The following RBFOX1 variants were observed in gnomAD, a reference collection of about 807,000 sequenced individuals.
The protein encoded by RBFOX1 is RNA binding protein fox-1 homolog 1.
In RBFOX1, 8 loss-of-function variants were observed where a neutral mutation model predicts 57.7. The ratio of observed to expected loss-of-function variants is 0.14; its 90% CI spans 0.08 to 0.25. RBFOX1 has a LOEUF of 0.25. Among genes scored for constraint, RBFOX1 ranks in the 10% least tolerant of loss-of-function variants. The probability of loss-of-function intolerance (pLI) is 1.00; values close to 1 mark genes in which losing one functional copy is unlikely to be tolerated. For synonymous variants in RBFOX1, 326 were observed against 222.4 expected (o/e 1.47, Z -4.15); for missense variants, 611 against 548.5 (o/e 1.11, Z -1.14).
At chr16:5,628,637 C>A (rs1352380789) in intron 3 of RBFOX1, among the ~76,000 whole-genome samples, 1 of 152,170 alleles carries the variant, frequency 6.6e-6, no homozygotes, top group African/African-American at 2.4e-5. Context: ...CCCAAGAACC[C>A]ACAGCTGAGA....
intron 4 of RBFOX1, among the ~76,000 whole-genome samples, chr16:7,139,566 G>A (rs994388401): frequency 3.9e-5 from 6 of 152,242 alleles, no homozygotes; most frequent in African/African-American, 1.4e-4. Flanking sequence ...TGGATCAAGG[G>A]TAAGGGTAAC....
chr16:5,239,967 C>T (rs1305355606), exon 1 of RBFOX1: 29 of 1,525,414 alleles, frequency 1.9e-5, no homozygotes, highest in Non-Finnish European at 2.1e-5. Context: ...AGGAGGACGA[C>T]GTCCCTCCCG....
chr16:6,399,345 G>T (rs930788973), intron 2 of RBFOX1, among the ~76,000 whole-genome samples: 1 of 152,190 alleles, frequency 6.6e-6, no homozygotes, highest in Admixed American at 6.5e-5. Context: ...TCAGCTCCTT[G>T]TTACTTATGC....
At chr16:7,035,886 A>C (rs930506164) in intron 3 of RBFOX1, among the ~76,000 whole-genome samples, 1 of 148,842 alleles carries the variant, frequency 6.7e-6, no homozygotes, top group African/African-American at 2.6e-5. Context: ...GAACACAGAC[A>C]CACACACACA....
intron 1 of RBFOX1, among the ~76,000 whole-genome samples, chr16:5,355,114 A>C (rs1232237356): frequency 6.6e-6 from 1 of 152,144 alleles, no homozygotes; most frequent in Non-Finnish European, 1.5e-5. Flanking sequence ...ATTCAATACT[A>C]GGGTCGTCTT....
chr16:6,164,634 TTTTTG>T (rs1486919550), intron 1 of RBFOX1, among the ~76,000 whole-genome samples: 1 of 151,036 alleles, frequency 6.6e-6, no homozygotes, highest in African/African-American at 2.4e-5. Context: ...ACCTGGTAAA[TTTTTG>T]TTTTGTTTTG....
chr16:7,415,734 C>T (rs532286760), intron 4 of RBFOX1, among the ~76,000 whole-genome samples: 1 of 152,100 alleles, frequency 6.6e-6, no homozygotes, highest in Admixed American at 6.5e-5. Flanking sequence ...TCTTCTCTAC[C>T]CAGCAATGGT....
intron 4 of RBFOX1, among the ~76,000 whole-genome samples, chr16:7,235,670 C>G (rs184225111): frequency 6.6e-6 from 1 of 152,330 alleles, no homozygotes; most frequent in East Asian, 1.9e-4. Context: ...TCTGCCATGA[C>G]ATCAAGAATA....
chr16:5,896,278 C>G (rs947553924), intron 4 of RBFOX1, among the ~76,000 whole-genome samples: 3 of 152,064 alleles, frequency 2.0e-5, no homozygotes, highest in African/African-American at 7.2e-5. Flanking sequence ...AAAGTTGATC[C>G]TAATGTTGGA....
chr16:5,620,464 G>C (rs1461278275), intron 3 of RBFOX1, among the ~76,000 whole-genome samples: 1 of 152,156 alleles, frequency 6.6e-6, no homozygotes, highest in East Asian at 1.9e-4. Flanking sequence ...GCTTCAACCG[G>C]AGAAATGCAT....
rs147087216 is a variant in RBFOX1, at chr16:5,696,595, A to G, written c.318+97634A>G. On this transcript the variant is annotated intron_variant, in intron 3 of 19. Coordinates refer to the RBFOX1 transcript ENST00000641259. ...ATCTCCAGAATGCACTGAAGTCTTTACTATGCATAGTCCTTTGCACCTCTA... is the reference window on the plus strand; with the variant it reads ...ATCTCCAGAATGCACTGAAGTCTTTGCTATGCATAGTCCTTTGCACCTCTA... Among the ~76,000 whole-genome samples the G allele has an allele frequency of 2.6e-5, 4 of 152,352 alleles. No individual in the cohort carries two copies. The East Asian group carries it at 7.7e-4, about 29-fold the overall frequency.
intron 1 of RBFOX1, among the ~76,000 whole-genome samples, chr16:6,162,707 G>T (rs542942892): frequency 1.3e-5 from 2 of 152,086 alleles, no homozygotes; most frequent in Non-Finnish European, 2.9e-5. Flanking sequence ...ACATGGAGGG[G>T]AATGGGCATA....
intron 3 of RBFOX1, among the ~76,000 whole-genome samples, chr16:6,961,382 C>T (rs1020605157): frequency 3.9e-5 from 6 of 152,100 alleles, no homozygotes; most frequent in East Asian, 1.9e-4. Flanking sequence ...AATTTCCCAG[C>T]GCTGCTATAG....
intron 4 of RBFOX1, among the ~76,000 whole-genome samples, chr16:7,102,876 G>A (rs1040386049): frequency 6.6e-6 from 1 of 152,072 alleles, no homozygotes; most frequent in Non-Finnish European, 1.5e-5. Flanking sequence ...CAAAACGCAT[G>A]CACTTCAATT....
intron 14 of RBFOX1, among the ~76,000 whole-genome samples, chr16:7,699,701 T>C (rs1020172317): frequency 9.2e-5 from 14 of 152,198 alleles, no homozygotes; most frequent in African/African-American, 3.1e-4. Flanking sequence ...GATGACAGTT[T>C]GAATATTCTG....
intron 1 of RBFOX1, among the ~76,000 whole-genome samples, chr16:6,179,128 C>G (rs888609786): frequency 3.9e-5 from 6 of 152,070 alleles, no homozygotes; most frequent in Non-Finnish European, 8.8e-5. Context: ...ATCTAGAAAC[C>G]CAAATATAAC....
downstream of RBFOX1, chr16:5,601,031 G>A (rs2047348558): frequency 6.6e-6 from 1 of 152,200 alleles, no homozygotes; most frequent in Admixed American, 6.5e-5. Flanking sequence ...TTCACATCAA[G>A]TCTGTGAAGT....
chr16:6,392,693 A>G (rs1420997159), intron 2 of RBFOX1, among the ~76,000 whole-genome samples: 1 of 152,232 alleles, frequency 6.6e-6, no homozygotes, highest in Non-Finnish European at 1.5e-5. Flanking sequence ...ATGTTGTTCC[A>G]TAAATATCTG....
At chr16:7,235,063 C>A (rs866070391) in intron 4 of RBFOX1, among the ~76,000 whole-genome samples, 76 of 152,248 alleles carry the variant, frequency 5.0e-4, no homozygotes, top group African/African-American at 1.7e-3. Flanking sequence ...CTTAGCAAGA[C>A]AAGCTTCAGT....
Sources: gnomAD v4.1 joint callset for allele counts (sites outside exome capture counted in the v4.1 genomes callset) on GRCh38, gnomAD v4.1.1 for gene constraint, MANE v1.5 for transcripts, NCBI Gene and HGNC (gene_info 2026-07-23, HGNC 2026-07-21) for gene names.